TMEM131: variants seen among roughly 807,000 people sequenced by gnomAD.
TMEM131 encodes the protein 2610524E03Rik.
A neutral mutation model predicts 211.6 loss-of-function variants in TMEM131; 66 were observed. The ratio of observed to expected loss-of-function variants is 0.31; its 90% CI spans 0.26 to 0.38. The LOEUF (loss-of-function observed/expected upper bound fraction) is 0.38, where lower values mean the gene tolerates loss of function less well. Ranked by LOEUF, TMEM131 falls within the 10% of genes least tolerant of loss-of-function variation. The probability of loss-of-function intolerance (pLI) is 1.00; values close to 1 mark genes in which losing one functional copy is unlikely to be tolerated. For synonymous variants in TMEM131, 844 were observed against 841.3 expected (o/e 1.00, Z -0.06); for missense variants, 2,036 against 2,299.3 (o/e 0.89, Z 2.34).
intron 4 of TMEM131, among the ~76,000 whole-genome samples, chr2:97,864,785 A>G (rs1674207318): frequency 6.6e-6 from 1 of 152,234 alleles, no homozygotes; most frequent in South Asian, 2.1e-4. Context: ...CTGAGCTGAC[A>G]ACGAGAGGCT....
intron 11 of TMEM131, among the ~76,000 whole-genome samples, chr2:97,820,784 A>C (rs1682077690): frequency 1.3e-5 from 2 of 151,822 alleles, no homozygotes. Context: ...TGAATCCGGG[A>C]GGCGGAGGTT....
intron 3 of TMEM131, among the ~76,000 whole-genome samples, chr2:97,894,637 T>C (rs1043662307): frequency 1.3e-5 from 2 of 152,212 alleles, no homozygotes; most frequent in Non-Finnish European, 2.9e-5. Flanking sequence ...TTGTTCTCTT[T>C]GTAGCAATTG....
chr2:97,809,605 TTACTC>T (rs200315021), intron 19 of TMEM131, 78 bp downstream of exon 19: 19,053 of 924,318 alleles, frequency 0.021, 229 homozygotes, highest in Middle Eastern at 0.048. Flanking sequence ...ATAACTGACT[TTACTC>T]TAAGATTCTA....
intron 3 of TMEM131, among the ~76,000 whole-genome samples, chr2:97,898,348 C>CT (rs1191353865): frequency 1.3e-5 from 2 of 152,088 alleles, no homozygotes; most frequent in African/African-American, 4.8e-5. Context: ...GAATTGAATT[C>CT]TCCCCCACCC....
intron 1 of TMEM131, among the ~76,000 whole-genome samples, chr2:97,943,006 AGAAAG>A (rs1677825379): frequency 2.7e-5 from 1 of 36,628 alleles, no homozygotes; most frequent in Non-Finnish European, 5.9e-5. Flanking sequence ...AAGAAAGAAA[AGAAAG>A]AAAAGAAAAG....
intron 1 of TMEM131, among the ~76,000 whole-genome samples, chr2:97,929,233 C>T (rs1210559558): frequency 6.6e-6 from 1 of 151,566 alleles, no homozygotes; most frequent in Non-Finnish European, 1.5e-5. Flanking sequence ...AGGTAAGAAT[C>T]AACAGAAAGA....
chr2:97,766,367 T>TTGGCC lies in TMEM131; in HGVS notation c.4574-105_4574-104insGGCCA. ...TGAGGACAAGAACACAGCCTTAGCC[T>TTGGCC]TGCATGACTAATAACTACTGACTGC... On this transcript the variant is annotated intron_variant, in intron 34 of 40. Transcript: ENST00000186436. 4 of 1,596,524 alleles carry TTGGCC rather than the reference T, an allele frequency of 2.5e-6. No homozygotes were observed. In the South Asian group the frequency reaches 4.5e-5, roughly 18 times the overall value.
chr2:97,847,275 T>C (rs1290006444), intron 5 of TMEM131, among the ~76,000 whole-genome samples: 1 of 152,166 alleles, frequency 6.6e-6, no homozygotes, highest in Non-Finnish European at 1.5e-5. Context: ...TCAGATAACA[T>C]GGCTTTCTAC....
At chr2:97,942,746 G>A (rs1035269875) in intron 1 of TMEM131, among the ~76,000 whole-genome samples, 1 of 151,962 alleles carries the variant, frequency 6.6e-6, no homozygotes, top group African/African-American at 2.4e-5. Context: ...CTAGGGACAG[G>A]TGGCTTCACT....
At chr2:97,938,198 T>C (rs1022196886) in intron 1 of TMEM131, among the ~76,000 whole-genome samples, 3 of 152,146 alleles carry the variant, frequency 2.0e-5, no homozygotes, top group Non-Finnish European at 4.4e-5. Flanking sequence ...TAAATGTAAA[T>C]GAGCTAAATG....
chr2:97,977,574 G>A (rs1679597256), intron 1 of TMEM131, among the ~76,000 whole-genome samples: 1 of 152,150 alleles, frequency 6.6e-6, no homozygotes, highest in African/African-American at 2.4e-5. Flanking sequence ...GCTTATAAAA[G>A]CTACATTTAC....
intron 35 of TMEM131, 185 bp from the exon 36 acceptor site, chr2:97,762,385 C>T (rs1678899456): frequency 8.7e-6 from 5 of 577,476 alleles, no homozygotes; most frequent in Non-Finnish European, 1.5e-5. Context: ...TCTCTGCACT[C>T]GGGGATTTGA....
chr2:97,995,705 C>T lies in TMEM131; in HGVS notation c.-43G>A. On this transcript the variant is annotated 5_prime_UTR_variant, in exon 1 of 41. Transcript: ENST00000186436. ...CGCCGCGCTCGAGGTCCGGCGCGGC[C>T]CTTCTCGGCGAGGCGGCGGCGGCGC... 1 of 1,176,624 alleles carries T rather than the reference C, an allele frequency of 8.5e-7. No individual in the cohort carries two copies. Among genetic ancestry groups the T allele is most frequent in the Non-Finnish European group, 1.1e-6 (1 of 950,858 alleles). The allele number at this position is 1,176,624 out of a possible 1,614,324, so 72.9% of individuals were successfully genotyped here. A position where few individuals can be genotyped will look rare whatever the true frequency, so the allele number is the denominator to read the frequency against.
chr2:97,958,305 G>A (rs529226828), intron 1 of TMEM131, among the ~76,000 whole-genome samples: 1 of 152,164 alleles, frequency 6.6e-6, no homozygotes, highest in African/African-American at 2.4e-5. Flanking sequence ...AGAGATGAGA[G>A]GACAGATCAG....
At chr2:97,884,740 T>C (rs1371782405) in intron 4 of TMEM131, among the ~76,000 whole-genome samples, 1 of 152,254 alleles carries the variant, frequency 6.6e-6, no homozygotes, top group African/African-American at 2.4e-5. Flanking sequence ...ATGCTACTCC[T>C]GCTGGCTTTT....
rs944225820 is a variant in TMEM131, at chr2:97,940,089, A to G, written c.188-12602T>C. On this transcript the variant is annotated intron_variant, in intron 1 of 40. Transcript: ENST00000186436. Reference sequence around the variant, plus strand: ...TCATACCGAATAGACAAAAATTGGAAGCATTCCCTTTGAAAACTGGCACAA... The same window carrying G: ...TCATACCGAATAGACAAAAATTGGAGGCATTCCCTTTGAAAACTGGCACAA... Among the ~76,000 whole-genome samples, 6 of 152,350 alleles carry G rather than the reference A, an allele frequency of 3.9e-5. No homozygotes were observed. The East Asian group carries it at 1.2e-3, about 29-fold the overall frequency.
chr2:97,943,011 G>GAA (rs1349800907), intron 1 of TMEM131, among the ~76,000 whole-genome samples: 1 of 48,856 alleles, frequency 2.0e-5, no homozygotes, highest in Non-Finnish European at 4.1e-5. Context: ...AGAAAAGAAA[G>GAA]AAAAGAAAAG....
chr2:97,871,139 T>C (rs756811837), intron 4 of TMEM131, among the ~76,000 whole-genome samples: 4 of 152,204 alleles, frequency 2.6e-5, no homozygotes, highest in Non-Finnish European at 5.9e-5. Flanking sequence ...AATGTAATAA[T>C]TATATAAGCC....
intron 2 of TMEM131, among the ~76,000 whole-genome samples, chr2:97,920,414 C>G (rs1676691709): frequency 6.6e-6 from 1 of 152,156 alleles, no homozygotes; most frequent in Admixed American, 6.5e-5. Context: ...ACTGTATTAA[C>G]ATCATACTGG....
Sources: gnomAD v4.1 joint callset for allele counts (sites outside exome capture counted in the v4.1 genomes callset) on GRCh38, gnomAD v4.1.1 for gene constraint, MANE v1.5 for transcripts, NCBI Gene and HGNC (gene_info 2026-07-23, HGNC 2026-07-21) for gene names.